The following OR11A1 variants were observed in gnomAD, a reference collection of about 807,000 sequenced individuals.
OR11A1 encodes the protein olfactory receptor family 11 subfamily A member 1.
For synonymous variants in OR11A1, 158 were observed against 152.2 expected (o/e 1.04, Z -0.28); for missense variants, 380 against 378.2 (o/e 1.00, Z -0.04).
chr6:29,432,769 G>A (rs1783311850), intron 1 of OR11A1, among the ~76,000 whole-genome samples: 1 of 151,752 alleles, frequency 6.6e-6, no homozygotes, highest in Non-Finnish European at 1.5e-5. Flanking sequence ...TCATCCCTAG[G>A]AGTGTGTTGA....
At chr6:29,436,723 A>T (rs983322551) in intron 1 of OR11A1, among the ~76,000 whole-genome samples, 3 of 152,264 alleles carry the variant, frequency 2.0e-5, no homozygotes, top group African/African-American at 7.2e-5. Context: ...AGTCTCATTA[A>T]AATGAAGTGA....
chr6:29,442,481 C>A (rs73398969), intron 1 of OR11A1, among the ~76,000 whole-genome samples: 6,286 of 152,238 alleles, frequency 0.041, 234 homozygotes, highest in African/African-American at 0.095. Flanking sequence ...GTATTTATTG[C>A]AAACTTTCTA....
intron 1 of OR11A1, chr6:29,450,205 C>G (rs900535425): frequency 6.6e-6 from 1 of 152,380 alleles, no homozygotes; most frequent in Non-Finnish European, 1.5e-5. Context: ...GGTTCCACCA[C>G]TGTCCCACAG....
chr6:29,427,744 C>A lies in OR11A1; in HGVS notation c.-91-12G>T. ...TAACGTTATTAGAGCTAAAACAAAACAAAACAAAAAAGACAAAAATGAGTC... is the reference window on the plus strand; with the variant it reads ...TAACGTTATTAGAGCTAAAACAAAAAAAAACAAAAAAGACAAAAATGAGTC... On this transcript the variant is annotated splice_polypyrimidine_tract_variant and intron_variant, in intron 4 of 4. Transcript: ENST00000377149. The A allele has an allele frequency of 6.9e-7, 1 of 1,456,760 alleles. No individual in the cohort carries two copies. The highest frequency in any genetic ancestry group is 2.8e-5 in the Admixed American group (1 of 36,342). The allele number at this position is 1,456,760 out of a possible 1,614,324, so 90.2% of individuals were successfully genotyped here.
At chr6:29,443,971 TTAA>T (rs1472465401) in intron 1 of OR11A1, among the ~76,000 whole-genome samples, 3 of 137,942 alleles carry the variant, frequency 2.2e-5, no homozygotes, top group African/African-American at 9.0e-5. Flanking sequence ...CAATCAGTAA[TTAA>T]AAAAAAAAAA....
At chr6:29,452,085 C>G (rs1785466172) in intron 1 of OR11A1, among the ~76,000 whole-genome samples, 1 of 152,108 alleles carries the variant, frequency 6.6e-6, no homozygotes, top group Admixed American at 6.6e-5. Flanking sequence ...ATTGGAAAAC[C>G]AAATGCTGCA....
chr6:29,440,802 G>C (rs571047272), intron 1 of OR11A1: 1 of 1,614,042 alleles, frequency 6.2e-7, no homozygotes, highest in South Asian at 1.1e-5. Context: ...TCGCCCTAAG[G>C]CCAGCTACGA....
intron 1 of OR11A1, among the ~76,000 whole-genome samples, chr6:29,454,532 GC>G (rs1785817123): frequency 6.6e-6 from 1 of 152,144 alleles, no homozygotes; most frequent in African/African-American, 2.4e-5. Flanking sequence ...AATTGACAGA[GC>G]CACTTTGGAA....
At chr6:29,456,587 C>T (rs1026684051) in intron 1 of OR11A1, among the ~76,000 whole-genome samples, 16 of 152,060 alleles carry the variant, frequency 1.1e-4, no homozygotes, top group Non-Finnish European at 1.2e-4. Context: ...ATGTCTATCA[C>T]ATGACCCTGA....
At chr6:29,449,730 A>G (rs1406441138) in intron 1 of OR11A1, among the ~76,000 whole-genome samples, 1 of 152,020 alleles carries the variant, frequency 6.6e-6, no homozygotes, top group African/African-American at 2.4e-5. Context: ...TCCACCTCCC[A>G]GGTTTAAGCA....
intron 1 of OR11A1, among the ~76,000 whole-genome samples, chr6:29,446,330 C>G (rs553680114): frequency 5.3e-5 from 8 of 152,140 alleles, no homozygotes; most frequent in Non-Finnish European, 1.2e-4. Context: ...TTGCCTATCT[C>G]CCTCCTCATC....
intron 1 of OR11A1, among the ~76,000 whole-genome samples, chr6:29,438,273 T>C (rs1783801231): frequency 6.6e-6 from 1 of 152,120 alleles, no homozygotes; most frequent in Non-Finnish European, 1.5e-5. Flanking sequence ...CAAAGAAAGA[T>C]TTGTATAATA....
intron 1 of OR11A1, chr6:29,440,002 G>T (rs920253514): frequency 6.9e-6 from 11 of 1,602,870 alleles, no homozygotes; most frequent in Non-Finnish European, 9.4e-6. Context: ...TCCAGTCAAA[G>T]GTATGCAGGC....
At chr6:29,451,941 C>G (rs1785440752) in intron 1 of OR11A1, among the ~76,000 whole-genome samples, 1 of 152,128 alleles carries the variant, frequency 6.6e-6, no homozygotes, top group Non-Finnish European at 1.5e-5. Flanking sequence ...TACCTATCAA[C>G]AGTGGACTGG....
intron 1 of OR11A1, among the ~76,000 whole-genome samples, chr6:29,446,287 C>A (rs1784765242): frequency 6.6e-6 from 1 of 152,140 alleles, no homozygotes. Flanking sequence ...TCACTGCAGC[C>A]CAGACCCACT....
At chr6:29,452,330 T>G (rs1455794271) in intron 1 of OR11A1, among the ~76,000 whole-genome samples, 1 of 150,472 alleles carries the variant, frequency 6.6e-6, no homozygotes, top group East Asian at 1.9e-4. Flanking sequence ...GAAACTAAAA[T>G]AAAAATTAGG....
In OR11A1 at chr6:29,426,130, C is replaced by A. The variant is rs1004144492; in HGVS notation, c.*564G>T. Reference sequence around the variant, plus strand: ...TGTCATACAACAATAATATAAAAAACAATATTTCTAGGTTTATTTTGGTAT... The same window carrying A: ...TGTCATACAACAATAATATAAAAAAAAATATTTCTAGGTTTATTTTGGTAT... On this transcript the variant is annotated 3_prime_UTR_variant, in exon 5 of 5. Coordinates refer to ENST00000377149, the MANE Select transcript of OR11A1 (RefSeq NM_001394828.1). 5 of 152,350 alleles carry A rather than the reference C, an allele frequency of 3.3e-5. No homozygotes were observed. Among genetic ancestry groups the A allele is most frequent in the African/African-American group, 7.3e-5 (3 of 41,350 alleles). The allele number at this position is 152,350 out of a possible 1,614,324, so 9.4% of individuals were successfully genotyped here.
chr6:29,439,762 C>A, intron 1 of OR11A1: 1 of 556,214 alleles, frequency 1.8e-6, no homozygotes, highest in South Asian at 2.7e-5. Context: ...TAGGCACTAT[C>A]AGGAAGAGAT....
intron 1 of OR11A1, chr6:29,440,439 C>T: frequency 1.9e-6 from 3 of 1,614,100 alleles, no homozygotes; most frequent in South Asian, 2.2e-5. Context: ...GGTGTGTCTA[C>T]AGCTAGCTGG....
Sources: allele counts gnomAD v4.1 joint callset (sites outside exome capture counted in the v4.1 genomes callset), GRCh38; gene constraint gnomAD v4.1.1; transcripts MANE v1.5; gene names NCBI Gene and HGNC (gene_info 2026-07-23, HGNC 2026-07-21).